HSD17B12: variants seen among roughly 807,000 people sequenced by gnomAD.
HSD17B12 encodes the protein hydroxysteroid 17-beta dehydrogenase 12, also known as very-long-chain 3-oxoacyl-CoA reductase.
Under a neutral mutation model 39.3 loss-of-function variants are expected in HSD17B12, and 32 were observed. The observed-to-expected ratio is 0.81, with a 90% CI of 0.61 to 1.09. The LOEUF (loss-of-function observed/expected upper bound fraction) is 1.09. Ranked by LOEUF, HSD17B12 falls within the 50% of genes least tolerant of loss-of-function variation. HSD17B12 has a pLI of 0.00. For missense variants in HSD17B12, 342 were observed against 382.9 expected, an observed-to-expected ratio of 0.89 and a Z score of 0.89; for synonymous variants, 150 against 146.7, an observed-to-expected ratio of 1.02 and a Z score of -0.16.
intron 4 of HSD17B12, among the ~76,000 whole-genome samples, chr11:43,802,986 C>T (rs756063878): frequency 2.0e-4 from 30 of 152,114 alleles, no homozygotes; most frequent in Admixed American, 9.8e-4. Flanking sequence ...ATTAGCTGAG[C>T]TGTAAGTTTA....
At chr11:43,658,742 G>T in the HSD17B12 span, among the ~76,000 whole-genome samples, 1 of 152,258 alleles carries the variant, frequency 6.6e-6, no homozygotes, top group Admixed American at 6.5e-5. Flanking sequence ...CTGCCTGATC[G>T]TTCCTCTGGA....
intron 9 of HSD17B12, among the ~76,000 whole-genome samples, chr11:43,848,125 T>C (rs984701937): frequency 1.3e-5 from 2 of 152,192 alleles, no homozygotes; most frequent in Non-Finnish European, 2.9e-5. Flanking sequence ...AGAGTGTGTC[T>C]TTTGTGCATA....
chr11:43,726,699 T>C (rs543790736), intron 1 of HSD17B12, among the ~76,000 whole-genome samples: 5 of 152,352 alleles, frequency 3.3e-5, no homozygotes, highest in African/African-American at 1.2e-4. Flanking sequence ...GACCAAATTC[T>C]CAAGCATATT....
In HSD17B12 at chr11:43,690,389, TATATATATATATA is replaced by T. The variant is rs1472346693; in HGVS notation, c.160+9403_160+9415del. Among the ~76,000 whole-genome samples, 162 of 26,696 alleles carry T rather than the reference TATATATATATATA, an allele frequency of 6.1e-3. 11 individuals carry two copies. Among genetic ancestry groups the T allele is most frequent in the African/African-American group, 0.02 (105 of 5,318 alleles). 17.5% of individuals were successfully genotyped at this position (26,696 alleles called of 152,430 possible). A position where few individuals can be genotyped will look rare whatever the true frequency, so the allele number is the denominator to read the frequency against. The stretch of plus-strand genomic sequence containing the variant: ...ATATATATATATATATATATATATA[TATATATATATATA>T]TATTTTTTTTTTTTTTTTTCTGAGA... On this transcript the variant is annotated intron_variant, in intron 1 of 10. Coordinates refer to ENST00000278353, the MANE Select transcript of HSD17B12 (RefSeq NM_016142.3).
At chr11:43,791,728 A>C (rs1389136338) in intron 3 of HSD17B12, among the ~76,000 whole-genome samples, 1 of 152,208 alleles carries the variant, frequency 6.6e-6, no homozygotes, top group Admixed American at 6.5e-5. Flanking sequence ...CAGAGCTTTC[A>C]AAAGGATGGA....
the HSD17B12 span, among the ~76,000 whole-genome samples, chr11:43,627,955 C>CT: frequency 2.7e-5 from 4 of 150,862 alleles, no homozygotes; most frequent in South Asian, 2.1e-4. Context: ...AAAGTAATGA[C>CT]TTTTTTTTTA....
At chr11:43,652,644 T>A in the HSD17B12 span, among the ~76,000 whole-genome samples, 1 of 151,906 alleles carries the variant, frequency 6.6e-6, no homozygotes, top group Non-Finnish European at 1.5e-5. Flanking sequence ...TCACAGAACA[T>A]GTATGCTGGT....
the HSD17B12 span, among the ~76,000 whole-genome samples, chr11:43,585,801 A>G: frequency 6.6e-6 from 1 of 152,226 alleles, no homozygotes; most frequent in Non-Finnish European, 1.5e-5. Flanking sequence ...CCGATAGTTC[A>G]GTTGCACTGT....
chr11:43,634,521 A>G, the HSD17B12 span, among the ~76,000 whole-genome samples: 2 of 152,238 alleles, frequency 1.3e-5, no homozygotes, highest in Non-Finnish European at 2.9e-5. Context: ...ATTGGTTTAC[A>G]TAGACCAGTA....
chr11:43,842,333 C>A (rs937296346), intron 9 of HSD17B12, among the ~76,000 whole-genome samples: 1 of 152,168 alleles, frequency 6.6e-6, no homozygotes, highest in Non-Finnish European at 1.5e-5. Flanking sequence ...GGGGGGATGA[C>A]TGTTTCCTCA....
intron 3 of HSD17B12, among the ~76,000 whole-genome samples, chr11:43,785,525 A>G (rs1950807871): frequency 6.6e-6 from 1 of 152,192 alleles, no homozygotes; most frequent in African/African-American, 2.4e-5. Context: ...GTTTAGTCTA[A>G]AACATAGTTA....
intron 1 of HSD17B12, among the ~76,000 whole-genome samples, chr11:43,724,288 C>A (rs1423608300): frequency 3.3e-5 from 5 of 149,494 alleles, no homozygotes; most frequent in African/African-American, 1.2e-4. Flanking sequence ...TCTTACCCAA[C>A]AAGGGACTGG....
At chr11:43,670,191 G>T in the HSD17B12 span, 1 of 152,220 alleles carries the variant, frequency 6.6e-6, no homozygotes, top group African/African-American at 2.4e-5. Flanking sequence ...TGCCATTGGA[G>T]AGGGGCAAAG....
At chr11:43,794,035 C>T (rs572469663) in intron 3 of HSD17B12, among the ~76,000 whole-genome samples, 67 of 152,264 alleles carry the variant, frequency 4.4e-4, no homozygotes, top group African/African-American at 1.5e-3. Context: ...TTGACTGCCT[C>T]GAGCAGTTCA....
chr11:43,782,410 G>A (rs1950774530), intron 3 of HSD17B12, among the ~76,000 whole-genome samples: 1 of 152,122 alleles, frequency 6.6e-6, no homozygotes, highest in Admixed American at 6.6e-5. Context: ...GCCGGGTACG[G>A]TGGCTCACTC....
intron 3 of HSD17B12, among the ~76,000 whole-genome samples, chr11:43,762,693 T>C (rs887766870): frequency 1.3e-5 from 2 of 152,230 alleles, no homozygotes; most frequent in Non-Finnish European, 2.9e-5. Context: ...ATGAGCCTTA[T>C]CATGGACATT....
the HSD17B12 span, among the ~76,000 whole-genome samples, chr11:43,564,753 A>G: frequency 1.3e-5 from 2 of 152,210 alleles, no homozygotes; most frequent in African/African-American, 4.8e-5. Context: ...TTTTAAACCA[A>G]TTGGAACCCA....
At chr11:43,823,882 A>G (rs1000354396) in intron 6 of HSD17B12, among the ~76,000 whole-genome samples, 2 of 152,144 alleles carry the variant, frequency 1.3e-5, no homozygotes, top group African/African-American at 4.8e-5. Flanking sequence ...ATTTATACTG[A>G]AGTAAATTGT....
At chr11:43,607,442 G>A in the HSD17B12 span, among the ~76,000 whole-genome samples, 6 of 152,152 alleles carry the variant, frequency 3.9e-5, no homozygotes, top group Non-Finnish European at 8.8e-5. Context: ...AGCCGCTCAA[G>A]CACTGATTCA....
Sources: allele counts gnomAD v4.1 joint callset (sites outside exome capture counted in the v4.1 genomes callset), GRCh38; gene constraint gnomAD v4.1.1; transcripts MANE v1.5; gene names NCBI Gene and HGNC (gene_info 2026-07-23, HGNC 2026-07-21).